Variants in MTUS2 observed in about 807,000 individuals in gnomAD.
The protein encoded by MTUS2 is microtubule-associated tumor suppressor candidate 2.
A neutral mutation model predicts 114.1 loss-of-function variants in MTUS2; 40 were observed. The observed-to-expected ratio is 0.35, with a 90% confidence interval of 0.27 to 0.46. The LOEUF (loss-of-function observed/expected upper bound fraction) is 0.46, where lower values mean the gene tolerates loss of function less well. MTUS2 is among the 20% of genes least tolerant of loss of function. MTUS2 has a pLI of 1.00. For missense variants in MTUS2, 1,679 were observed against 1,705.4 expected (o/e 0.98, Z 0.27); for synonymous variants, 688 against 672.0 (o/e 1.02, Z -0.37).
At chr13:29,391,005 A>G (rs1457270501) in intron 8 of MTUS2, among the ~76,000 whole-genome samples, 2 of 151,628 alleles carry the variant, frequency 1.3e-5, no homozygotes, top group Non-Finnish European at 2.9e-5. Context: ...CTGGTCTCGA[A>G]CTCCTGACCT....
intron 5 of MTUS2, among the ~76,000 whole-genome samples, chr13:29,122,916 T>G (rs1318246882): frequency 6.6e-6 from 1 of 152,224 alleles, no homozygotes; most frequent in Non-Finnish European, 1.5e-5. Flanking sequence ...GTAGCTTTTG[T>G]GGACAATTTC....
intron 8 of MTUS2, among the ~76,000 whole-genome samples, chr13:29,384,530 T>C (rs890764144): frequency 1.3e-5 from 2 of 152,220 alleles, no homozygotes; most frequent in African/African-American, 4.8e-5. Context: ...TGAATTCCCA[T>C]GTCCTTTAGC....
chr13:29,313,202 C>A (rs1363028227), intron 6 of MTUS2, among the ~76,000 whole-genome samples: 1 of 152,044 alleles, frequency 6.6e-6, no homozygotes, highest in Non-Finnish European at 1.5e-5. Flanking sequence ...AGAGCTCTCC[C>A]TACAGGAGGC....
At chr13:29,499,461 A>C (rs1882752160) in intron 14 of MTUS2, among the ~76,000 whole-genome samples, 1 of 152,232 alleles carries the variant, frequency 6.6e-6, no homozygotes, top group Non-Finnish European at 1.5e-5. Context: ...TAAACTTTTG[A>C]TACTAACAAA....
chr13:29,100,856 C>T lies in MTUS2; in HGVS notation c.2530C>T (p.Leu844Phe), dbSNP rs1246430270. The change falls in exon 5 of 16, where the codon CTC becomes TTC. Residue 844 changes from leucine (L) to phenylalanine (F), a missense_variant. By Grantham distance (22) the Leu-to-Phe change is conservative (BLOSUM62 0). Transcript: ENST00000612955. ...TCTCCGTCCTCCCGGATACTCACGT[C>T]TCCCGGCAGCCAAACTGGCGGCATT... Reference protein sequence around the residue: ...SGLRPPGYSRLPAAKLAAFGF... With the variant: ...SGLRPPGYSRFPAAKLAAFGF... 1 of 1,553,386 alleles carries T rather than the reference C, an allele frequency of 6.4e-7. No individual in the cohort carries two copies. Among genetic ancestry groups the T allele is most frequent in the Admixed American group, 2.0e-5 (1 of 51,150 alleles).
At chr13:28,896,956 A>T (rs1879311328) in intron 2 of MTUS2, among the ~76,000 whole-genome samples, 1 of 152,358 alleles carries the variant, frequency 6.6e-6, no homozygotes, top group African/African-American at 2.4e-5. Flanking sequence ...ACCCTAGAAG[A>T]AAACCTAGGC....
chr13:29,224,120 T>C (rs1391523203), intron 5 of MTUS2, among the ~76,000 whole-genome samples: 1 of 152,076 alleles, frequency 6.6e-6, no homozygotes, highest in African/African-American at 2.4e-5. Context: ...ACCTGCCAGG[T>C]TGAGTGGGTG....
At position 28,944,792 on chromosome 13, in the gene MTUS2, A is replaced by G. The variant is rs143531359; in HGVS notation, c.-242-79665A>G. Among the ~76,000 whole-genome samples, 299 of 152,342 alleles carry G rather than the reference A, an allele frequency of 2.0e-3. 1 individual carries two copies. The highest frequency in any genetic ancestry group is 6.8e-3 in the African/African-American group (281 of 41,584). On this transcript the variant is annotated intron_variant, in intron 2 of 15. Coordinates refer to ENST00000612955, the MANE Select transcript of MTUS2 (RefSeq NM_001033602.4). Reference sequence around the variant, plus strand: ...AAGCACTGTATTTACTATAAACACCATTCGTGATAGGTACATCCTTTTTCT... The same window carrying G: ...AAGCACTGTATTTACTATAAACACCGTTCGTGATAGGTACATCCTTTTTCT...
At chr13:29,046,322 C>G (rs1033547991) in intron 4 of MTUS2, among the ~76,000 whole-genome samples, 4 of 152,024 alleles carry the variant, frequency 2.6e-5, no homozygotes, top group Non-Finnish European at 4.4e-5. Context: ...CTGTATGTTG[C>G]CCAGGCTGGT....
chr13:29,483,072 G>T (rs1215894001), intron 10 of MTUS2, among the ~76,000 whole-genome samples: 1 of 152,166 alleles, frequency 6.6e-6, no homozygotes, highest in Non-Finnish European at 1.5e-5. Context: ...GTCCATGGTG[G>T]ACTCTCCACT....
At position 29,025,317 on chromosome 13, in the gene MTUS2, G is replaced by A. The variant is rs746076806; in HGVS notation, c.619G>A (p.Gly207Ser). ...ATCCCTCGACTCCCGGGAAGCACGG[G>A]GTCAGATACCTGGGGGTGGGGAGGG... ...PLSLDSREAR[G>S]QIPGGGEGPQ... The change falls in exon 3 of 16, where the codon GGT (glycine) becomes AGT (serine). Residue 207 changes from glycine to serine, a missense_variant. Physicochemically the swap from Gly to Ser is moderately conservative, Grantham distance 56 (BLOSUM62 0). Coordinates refer to ENST00000612955, the MANE Select transcript of MTUS2 (RefSeq NM_001033602.4). The A allele has an allele frequency of 8.1e-5, 131 of 1,613,766 alleles. No homozygotes were observed. Among genetic ancestry groups the A allele is most frequent in the Non-Finnish European group, 1.1e-4 (124 of 1,179,890 alleles).
intron 3 of MTUS2, among the ~76,000 whole-genome samples, chr13:29,032,673 A>G (rs578261320): frequency 6.6e-6 from 1 of 152,226 alleles, no homozygotes; most frequent in Non-Finnish European, 1.5e-5. Flanking sequence ...TTGTTTCTAC[A>G]ATGTCAATTT....
chr13:29,205,924 C>T (rs540611446), intron 5 of MTUS2, among the ~76,000 whole-genome samples: 5 of 152,236 alleles, frequency 3.3e-5, no homozygotes, highest in Non-Finnish European at 5.9e-5. Context: ...GGTAGATACC[C>T]AGTAGTGGGA....
At chr13:29,041,416 C>A (rs1208841407) in intron 4 of MTUS2, among the ~76,000 whole-genome samples, 1 of 152,008 alleles carries the variant, frequency 6.6e-6, no homozygotes, top group Non-Finnish European at 1.5e-5. Context: ...CTTAGCCTTA[C>A]TTTGGGTATG....
intron 5 of MTUS2, among the ~76,000 whole-genome samples, chr13:29,148,669 G>T (rs1438754060): frequency 8.8e-6 from 1 of 113,244 alleles, no homozygotes; most frequent in African/African-American, 2.6e-5. Flanking sequence ...TAGTAGAGAC[G>T]GGGTTTCACC....
chr13:29,466,431 C>G (rs1294414840), intron 9 of MTUS2, among the ~76,000 whole-genome samples: 1 of 152,238 alleles, frequency 6.6e-6, no homozygotes, highest in South Asian at 2.1e-4. Context: ...CCTAGGAATC[C>G]GTTTGATGTA....
At chr13:28,910,980 ATTC>A (rs1204587572) in intron 2 of MTUS2, among the ~76,000 whole-genome samples, 1 of 135,336 alleles carries the variant, frequency 7.4e-6, no homozygotes, top group Non-Finnish European at 1.5e-5. Context: ...GGTTCACACC[ATTC>A]TTCTGCCTCA....
chr13:29,373,422 G>T (rs2138314920), intron 8 of MTUS2, among the ~76,000 whole-genome samples: 1 of 152,240 alleles, frequency 6.6e-6, no homozygotes, highest in African/African-American at 2.4e-5. Flanking sequence ...GACTAACAAG[G>T]GGGGCACCCA....
chr13:29,325,320 A>G (rs4769715), intron 7 of MTUS2, among the ~76,000 whole-genome samples: 121,711 of 151,414 alleles, frequency 0.8, 49,938 homozygotes, highest in East Asian at 0.91. Context: ...GCTGGGTGTG[A>G]TGGCTTTCGC....
Sources: gnomAD v4.1 joint callset for allele counts (sites outside exome capture counted in the v4.1 genomes callset) on GRCh38, gnomAD v4.1.1 for gene constraint, MANE v1.5 for transcripts, NCBI Gene and HGNC (gene_info 2026-07-23, HGNC 2026-07-21) for gene names.